Variants in FBN3 observed in about 807,000 individuals in gnomAD.
The protein encoded by FBN3 is fibrillin-3.
Under a neutral mutation model 330.1 loss-of-function variants are expected in FBN3, and 234 were observed. The ratio of observed to expected loss-of-function variants is 0.71; its 90% CI spans 0.64 to 0.79. The LOEUF (loss-of-function observed/expected upper bound fraction) is 0.79. Ranked by LOEUF, FBN3 falls within the 30% of genes least tolerant of loss-of-function variation. The pLI, the probability that FBN3 is intolerant of heterozygous loss-of-function variation, is 0.00. For synonymous variants in FBN3, 1,458 were observed against 1,517.3 expected, an observed-to-expected ratio of 0.96 and a Z score of 0.91; for missense variants, 3,606 against 3,886.9, an observed-to-expected ratio of 0.93 and a Z score of 1.92.
chr19:8,124,351 C>A (rs527800120), intron 22 of FBN3, among the ~76,000 whole-genome samples: 4 of 152,104 alleles, frequency 2.6e-5, no homozygotes, highest in African/African-American at 7.2e-5. Context: ...TCAAGCAATT[C>A]TCCGGCCTCA....
At chr19:8,104,846 T>A (rs1396420243) in intron 38 of FBN3, among the ~76,000 whole-genome samples, 1 of 152,178 alleles carries the variant, frequency 6.6e-6, no homozygotes, top group African/African-American at 2.4e-5. Context: ...AAATTTTATT[T>A]ATGGACCCCT....
chr19:8,069,500 T>C (rs1436438652), intron 63 of FBN3, among the ~76,000 whole-genome samples: 28 of 152,170 alleles, frequency 1.8e-4, no homozygotes, highest in Admixed American at 1.8e-3. Context: ...GTTCTGGAGA[T>C]CTCAGGCCTT....
chr19:8,130,611 A>AGGAAGGAAGGAAGGAAGGAAG (rs1271445703), intron 16 of FBN3, among the ~76,000 whole-genome samples: 4 of 15,498 alleles, frequency 2.6e-4, no homozygotes, highest in South Asian at 2.2e-3. Flanking sequence ...AAAGAAAGAA[A>AGGAAGGAAGGAAGGAAGGAAG]GAAAGAAAGA....
At position 8,072,041 on chromosome 19, in the gene FBN3, A is replaced by C. The variant is rs371687945; in HGVS notation, c.8088+7T>G. On this transcript the variant is annotated splice_region_variant and intron_variant, in intron 63 of 63. Coordinates refer to ENST00000600128, the MANE Select transcript of FBN3 (RefSeq NM_032447.5). ...GCCACCCCTGCCTAGTGCAGCACCC[A>C]TGTCACCTGGTGGTCCCTGTGGGCA... The C allele has an allele frequency of 6.1e-5, 98 of 1,610,580 alleles. No individual in the cohort carries two copies. The highest frequency in any genetic ancestry group is 6.6e-5 in the Non-Finnish European group (78 of 1,179,428).
chr19:8,118,758 C>T, intron 26 of FBN3, 139 bp downstream of exon 26: 1 of 1,067,064 alleles, frequency 9.4e-7, no homozygotes, highest in South Asian at 1.5e-5. Flanking sequence ...CACTTGCACG[C>T]TCACACATAG....
intron 63 of FBN3, 77 bp from the exon 64 acceptor site, chr19:8,066,337 T>A: frequency 9.1e-7 from 1 of 1,103,604 alleles, no homozygotes; most frequent in Non-Finnish European, 1.3e-6. Context: ...CCTCGGATTG[T>A]GGCCAAAGAG....
Position 8,089,576 on chromosome 19 carries a change from G to C in FBN3, c.6345C>G (p.Tyr2115Ter). 4 of 1,614,222 alleles carry C rather than the reference G, an allele frequency of 2.5e-6. No homozygotes were observed. The highest frequency in any genetic ancestry group is 3.4e-6 in the Non-Finnish European group (4 of 1,180,030). The change falls in exon 51 of 64, where the codon TAC becomes TAG. Residue 2115 changes from tyrosine to a stop codon, truncating the protein, a stop_gained. Coordinates refer to ENST00000600128, the MANE Select transcript of FBN3 (RefSeq NM_032447.5). LOFTEE classifies it high-confidence loss of function. ...AGTTGATGCCAGTGAAGTCCAGGCT[G>C]TAGCCAAAGGGACACTCACAGCGGA... ...GSFRCECPFG[Y>*]SLDFTGINCV...
rs980254796 is a variant in FBN3 at position 8,084,680 on chromosome 19, G to A, written c.7087+683C>T. Among the ~76,000 whole-genome samples, 8 of 151,892 alleles carry A rather than the reference G, an allele frequency of 5.3e-5. No homozygotes were observed. In the South Asian group the frequency reaches 6.2e-4, roughly 12 times the overall value. ...CGTCTCACTGCAAGCTCTGCCTCCCGGATTCAAGGGATTCTCCTGCCTCAG... is the reference window on the plus strand; with the variant it reads ...CGTCTCACTGCAAGCTCTGCCTCCCAGATTCAAGGGATTCTCCTGCCTCAG... On this transcript the variant is annotated intron_variant, in intron 56 of 63. Transcript: ENST00000600128.
chr19:8,086,095 A>C, intron 55 of FBN3, 105 bp downstream of exon 55: 1 of 462,174 alleles, frequency 2.2e-6, no homozygotes, highest in Non-Finnish European at 3.2e-6. Flanking sequence ...AGGGACAGGG[A>C]GTGAAGGGGG....
rs756681512 is a variant in FBN3, at chr19:8,144,924, T to C, written c.494A>G (p.Asn165Ser). 28 of 1,612,174 alleles carry C rather than the reference T, an allele frequency of 1.7e-5. No homozygotes were observed. The highest frequency in any genetic ancestry group is 8.5e-7 in the Non-Finnish European group (1 of 1,179,670). ...GAAGCCATACACACAGGCGCAGCGGTTGGGCCCAATGCAGCGACCCCCATT... is the reference window on the plus strand; with the variant it reads ...GAAGCCATACACACAGGCGCAGCGGCTGGGCCCAATGCAGCGACCCCCATT... Reference protein sequence around the residue: ...CHNGGRCIGPNRCACVYGFMG... With the variant: ...CHNGGRCIGPSRCACVYGFMG... The change falls in exon 6 of 64, where the codon AAC becomes AGC. Residue 165 changes from asparagine (N) to serine (S), a missense_variant. By Grantham distance (46) the Asn-to-Ser change is conservative. Transcript: ENST00000600128.
chr19:8,085,568 G>A lies in FBN3; in HGVS notation c.6882C>T (p.Asp2294=), dbSNP rs768217050. ...QPSPTLTECH[D]IRQGPCFAEV... The stretch of plus-strand genomic sequence containing the variant: ...CGGCAAAGCAGGGCCCCTGCCGGAT[G>A]TCTGCAGAGAACAATGGGAAAGACA... The change falls in exon 56 of 64, where the codon GAC becomes GAT. Residue 2294 remains aspartate, a splice_region_variant and synonymous_variant. Transcript: ENST00000600128. 1.9e-6 allele frequency: 3 copies of A among 1,558,822 alleles called. No individual in the cohort carries two copies. Among genetic ancestry groups the A allele is most frequent in the African/African-American group, 1.4e-5 (1 of 73,834 alleles).
chr19:8,067,060 C>A (rs1430911456), intron 63 of FBN3, among the ~76,000 whole-genome samples: 4 of 151,940 alleles, frequency 2.6e-5, no homozygotes, highest in Non-Finnish European at 5.9e-5. Context: ...GCCTATAATC[C>A]CAGCACTTTT....
intron 8 of FBN3, among the ~76,000 whole-genome samples, chr19:8,141,455 A>G (rs1232348938): frequency 6.6e-6 from 1 of 151,548 alleles, no homozygotes; most frequent in East Asian, 1.9e-4. Flanking sequence ...CCCTCGGTTC[A>G]CTCAGGCAGT....
At chr19:8,091,370 G>A (rs2082090135) in intron 48 of FBN3, 95 bp downstream of exon 48, 2 of 1,493,700 alleles carry the variant, frequency 1.3e-6, no homozygotes, top group African/African-American at 1.4e-5. Context: ...AGCTCCCAAA[G>A]GGTCACACAA....
chr19:8,123,610 AC>A, intron 23 of FBN3, 21 bp from the exon 24 acceptor site: 1 of 1,612,940 alleles, frequency 6.2e-7, no homozygotes, highest in Non-Finnish European at 8.5e-7. Flanking sequence ...GGGGCATCAA[AC>A]CACCCTGACG....
intron 30 of FBN3, among the ~76,000 whole-genome samples, chr19:8,112,628 C>A (rs187886104): frequency 6.6e-6 from 1 of 151,944 alleles, no homozygotes; most frequent in Non-Finnish European, 1.5e-5. Context: ...CTAGCCTGGG[C>A]GACAGAGTGA....
At chr19:8,136,116 G>A (rs753767355) in intron 12 of FBN3, 30 bp from the exon 13 acceptor site, 26 of 1,612,622 alleles carry the variant, frequency 1.6e-5, no homozygotes, top group South Asian at 2.2e-5. Flanking sequence ...GCAGTCAAGA[G>A]GTGCTCCCCA....
At chr19:8,143,492 C>CTTTTT (rs1472260736) in intron 6 of FBN3, among the ~76,000 whole-genome samples, 10 of 122,776 alleles carry the variant, frequency 8.1e-5, no homozygotes, top group African/African-American at 3.4e-4. Flanking sequence ...TTTTTCTTTT[C>CTTTTT]TTTTCTTTTT....
chr19:8,084,161 A>G (rs1036306686), intron 56 of FBN3, among the ~76,000 whole-genome samples: 1 of 152,048 alleles, frequency 6.6e-6, no homozygotes, highest in African/African-American at 2.4e-5. Context: ...TCAGTGACAC[A>G]CTCAGTGAGA....
Sources: gnomAD v4.1 joint callset for allele counts (sites outside exome capture counted in the v4.1 genomes callset) on GRCh38, gnomAD v4.1.1 for gene constraint, MANE v1.5 for transcripts, NCBI Gene and HGNC (gene_info 2026-07-23, HGNC 2026-07-21) for gene names.